The following MAD2L1BP variants were observed in gnomAD, a reference collection of about 807,000 sequenced individuals.
The protein encoded by MAD2L1BP is MAD2L1 binding protein, also known as MAD2L1-binding protein.
In MAD2L1BP, 22 loss-of-function variants were observed where a neutral mutation model predicts 28.4. The observed-to-expected ratio is 0.77, with a 90% CI of 0.55 to 1.10. The LOEUF (loss-of-function observed/expected upper bound fraction) is 1.10. MAD2L1BP is among the 50% of genes least tolerant of loss of function. The pLI is 0.00. For synonymous variants in MAD2L1BP, 146 were observed against 133.7 expected, an observed-to-expected ratio of 1.09 and a Z score of -0.63; for missense variants, 325 against 350.5, an observed-to-expected ratio of 0.93 and a Z score of 0.58.
At position 43,640,585 on chromosome 6, in the gene MAD2L1BP, G is replaced by A; in HGVS notation, c.*52G>A. On this transcript the variant is annotated 3_prime_UTR_variant, in exon 3 of 3. Transcript: ENST00000372171. ...CAATGGCTGAATTATCTTTCTCCAT[G>A]TGGCGCTGAATCACCCATCTGGTTT... The A allele has an allele frequency of 6.6e-7, 1 of 1,512,220 alleles. No homozygotes were observed. The highest frequency in any genetic ancestry group is 8.9e-7 in the Non-Finnish European group (1 of 1,129,824). The allele number at this position is 1,512,220 out of a possible 1,614,324, so 93.7% of individuals were successfully genotyped here.
chr6:43,636,153 G>A (rs1042156648), intron 1 of MAD2L1BP, among the ~76,000 whole-genome samples: 1 of 152,090 alleles, frequency 6.6e-6, no homozygotes, highest in African/African-American at 2.4e-5. Context: ...TGAGCGGGGA[G>A]CCCTCCGAAA....
At chr6:43,633,940 T>C (rs1770057519), upstream of MAD2L1BP, among the ~76,000 whole-genome samples, 2 of 152,354 alleles carry the variant, frequency 1.3e-5, no homozygotes, top group South Asian at 4.1e-4. Context: ...TCTGTCTCTC[T>C]GGTCATCCCC....
intron 2 of MAD2L1BP, among the ~76,000 whole-genome samples, chr6:43,639,430 C>T (rs964149695): frequency 2.6e-5 from 4 of 152,124 alleles, no homozygotes; most frequent in East Asian, 1.9e-4. Context: ...TAAGCCACTG[C>T]GCCCAGCCAA....
chr6:43,635,782 G>A (rs1289553486), upstream of MAD2L1BP: 2 of 1,325,452 alleles, frequency 1.5e-6, no homozygotes, highest in Admixed American at 3.7e-5. Flanking sequence ...CCTTTTTTCC[G>A]ACCCAACTGA....
Position 43,640,724 on chromosome 6 carries a change from A to G in MAD2L1BP, c.*191A>G. The G allele has an allele frequency of 1.8e-6, 1 of 571,158 alleles. No homozygotes were observed. Among genetic ancestry groups the G allele is most frequent in the East Asian group, 3.0e-5 (1 of 32,868 alleles). The allele number at this position is 571,158 out of a possible 1,614,324, so 35.4% of individuals were successfully genotyped here. A position where few individuals can be genotyped will look rare whatever the true frequency, so the allele number is the denominator to read the frequency against. On this transcript the variant is annotated 3_prime_UTR_variant, in exon 3 of 3. Coordinates refer to ENST00000372171, the MANE Select transcript of MAD2L1BP (RefSeq NM_014628.3). The stretch of plus-strand genomic sequence containing the variant: ...TGTGGCTGTGACTGTGACTGTAATC[A>G]TTGCTGAACAACATCTCTTTGAATC...
intron 1 of MAD2L1BP, among the ~76,000 whole-genome samples, chr6:43,630,568 C>G (rs1010916397): frequency 6.6e-6 from 1 of 152,040 alleles, no homozygotes; most frequent in Non-Finnish European, 1.5e-5. Flanking sequence ...CACAGCGAAA[C>G]CCCGTCTCTA....
exon 1 of MAD2L1BP, chr6:43,629,615 GC>G (rs902426824): frequency 6.6e-6 from 6 of 913,000 alleles, no homozygotes; most frequent in Admixed American, 2.0e-5. Flanking sequence ...TCAGAATCGA[GC>G]TTTGTGGGCG....
chr6:43,629,650 C>A, exon 1 of MAD2L1BP: 1 of 1,305,690 alleles, frequency 7.7e-7, no homozygotes, highest in Non-Finnish European at 1.1e-6. Context: ...CCCTTTAGCG[C>A]GGATCCTAGA....
intron 1 of MAD2L1BP, 136 bp downstream of exon 1, chr6:43,636,057 GC>G (rs1770200748): frequency 1.1e-6 from 1 of 916,414 alleles, no homozygotes; most frequent in Non-Finnish European, 1.7e-6. Flanking sequence ...CACGGCTCTG[GC>G]TGTGACTCCA....
exon 1 of MAD2L1BP, chr6:43,629,564 T>A: frequency 1.5e-6 from 1 of 680,856 alleles, no homozygotes; most frequent in Non-Finnish European, 2.6e-6. Flanking sequence ...CCTCGAGGCC[T>A]GGGGTGGGGA....
chr6:43,640,153 CGAGTGCT>C lies in MAD2L1BP; in HGVS notation c.448_454del (p.Val150PhefsTer8). ...CTTCTTTGCACGGACACTAGTACCG[CGAGTGCT>C]GATTCTCCTTGGGGGCAATGCCCTA... On this transcript the variant is annotated frameshift_variant, in exon 3 of 3. Coordinates refer to ENST00000372171, the MANE Select transcript of MAD2L1BP (RefSeq NM_014628.3). LOFTEE classifies it high-confidence loss of function. 6.2e-7 allele frequency: 1 copy of C among 1,612,984 alleles called. No individual in the cohort carries two copies. Among genetic ancestry groups the C allele is most frequent in the South Asian group, 1.1e-5 (1 of 90,956 alleles).
At chr6:43,638,341 G>A (rs1582366571) in intron 2 of MAD2L1BP, among the ~76,000 whole-genome samples, 2 of 152,192 alleles carry the variant, frequency 1.3e-5, no homozygotes, top group East Asian at 3.9e-4. Flanking sequence ...CACTGCGCCA[G>A]GCCATGAACT....
At chr6:43,629,691 A>T in exon 1 of MAD2L1BP, 1 of 1,539,242 alleles carries the variant, frequency 6.5e-7, no homozygotes, top group South Asian at 1.2e-5. Context: ...GAGCTGCAGA[A>T]CTGAGGCTAC....
At chr6:43,637,824 C>G (rs1041149054) in intron 2 of MAD2L1BP, among the ~76,000 whole-genome samples, 5 of 152,154 alleles carry the variant, frequency 3.3e-5, no homozygotes, top group South Asian at 2.1e-4. Context: ...GTCTTGAACT[C>G]CTGACCTCAG....
At chr6:43,637,137 T>C (rs1178145208) in intron 2 of MAD2L1BP, among the ~76,000 whole-genome samples, 2 of 152,198 alleles carry the variant, frequency 1.3e-5, no homozygotes, top group African/African-American at 4.8e-5. Flanking sequence ...TGATCTCGGC[T>C]CACTGCAGCC....
Position 43,640,304 on chromosome 6 carries a change from C to A in MAD2L1BP, c.596C>A (p.Ala199Asp). Reference protein sequence around the residue: ...RLFRAIFMADAFSELQAPPLM... With the variant: ...RLFRAIFMADDFSELQAPPLM... Reference sequence around the variant, plus strand: ...TTCCGAGCCATATTCATGGCTGATGCCTTTAGCGAGCTTCAGGCTCCTCCA... The same window carrying A: ...TTCCGAGCCATATTCATGGCTGATGACTTTAGCGAGCTTCAGGCTCCTCCA... Residue 199 changes from alanine (A) to aspartate (D), a missense_variant, in exon 3 of 3, where the codon GCC becomes GAC. Coordinates refer to ENST00000372171, the MANE Select transcript of MAD2L1BP (RefSeq NM_014628.3). 6.2e-7 allele frequency: 1 copy of A among 1,613,516 alleles called. No individual in the cohort carries two copies. Among genetic ancestry groups the A allele is most frequent in the Non-Finnish European group, 8.5e-7 (1 of 1,179,674 alleles).
chr6:43,633,045 C>A (rs1032476235), upstream of MAD2L1BP: 13 of 334,578 alleles, frequency 3.9e-5, no homozygotes, highest in Admixed American at 2.9e-4. Flanking sequence ...CAAACAACAA[C>A]AAAAAACTTC....
In MAD2L1BP at chr6:43,636,482, T is replaced by C; in HGVS notation, c.148T>C (p.Cys50Arg). Reference protein sequence around the residue: ...QEPLNASEAFCPRDCMVPVVF... With the variant: ...QEPLNASEAFRPRDCMVPVVF... ...ACCTCTCAACGCTTCGGAGGCCTTT[T>C]GCCCAAGAGACTGCATGGTACCAGT... The change falls in exon 2 of 3, where the codon TGC becomes CGC. Residue 50 changes from cysteine to arginine, a missense_variant. Transcript: ENST00000372171. The C allele has an allele frequency of 6.2e-7, 1 of 1,614,230 alleles. No homozygotes were observed. The highest frequency in any genetic ancestry group is 8.5e-7 in the Non-Finnish European group (1 of 1,180,044).
In MAD2L1BP at chr6:43,636,377, C is replaced by T; in HGVS notation, c.47-4C>T. The T allele has an allele frequency of 6.2e-7, 1 of 1,613,258 alleles. No individual in the cohort carries two copies. The highest frequency in any genetic ancestry group is 2.2e-5 in the East Asian group (1 of 44,862). On this transcript the variant is annotated splice_region_variant and splice_polypyrimidine_tract_variant and intron_variant, in intron 1 of 2. Coordinates refer to ENST00000372171, the MANE Select transcript of MAD2L1BP (RefSeq NM_014628.3). ...TCTCTCTTGTCCCTCTTTTCATCTA[C>T]CAGATTTGGAGTGGTATGAGAAGTC...
Sources: gnomAD v4.1 joint callset for allele counts (sites outside exome capture counted in the v4.1 genomes callset) on GRCh38, gnomAD v4.1.1 for gene constraint, MANE v1.5 for transcripts, NCBI Gene and HGNC (gene_info 2026-07-23, HGNC 2026-07-21) for gene names.